Variants in EPHA10 observed in about 807,000 individuals in gnomAD.
EPHA10 encodes the protein ephrin type-A receptor 10.
A neutral mutation model predicts 109.7 loss-of-function variants in EPHA10; 120 were observed. That is an observed-to-expected ratio of 1.09 (90% CI 0.94 to 1.27). EPHA10 has a LOEUF of 1.27. Among genes scored for constraint, EPHA10 ranks in the 50% most tolerant of loss-of-function variants. EPHA10 has a pLI of 0.00. For synonymous variants in EPHA10, 640 were observed against 618.9 expected, an observed-to-expected ratio of 1.03 and a Z score of -0.51; for missense variants, 1,396 against 1,411.1, an observed-to-expected ratio of 0.99 and a Z score of 0.17.
chr1:37,733,581 T>C (rs1056257145), intron 6 of EPHA10, among the ~76,000 whole-genome samples: 2 of 152,136 alleles, frequency 1.3e-5, no homozygotes, highest in Non-Finnish European at 2.9e-5. Flanking sequence ...CAGCTCAACC[T>C]TGGGGCTCTT....
At chr1:37,731,380 A>G in intron 7 of EPHA10, 31 bp downstream of exon 7, 1 of 1,554,264 alleles carries the variant, frequency 6.4e-7, no homozygotes, top group African/African-American at 1.4e-5. Context: ...CTCTCTGTCT[A>G]GGTCCCTGTC....
chr1:37,734,689 T>C, intron 6 of EPHA10: 2 of 452,038 alleles, frequency 4.4e-6, no homozygotes, highest in South Asian at 1.6e-5. Flanking sequence ...ACAAGTATCC[T>C]ATGGGGATCA....
At chr1:37,736,136 T>C (rs1646065882) in intron 5 of EPHA10, among the ~76,000 whole-genome samples, 1 of 152,100 alleles carries the variant, frequency 6.6e-6, no homozygotes, top group Non-Finnish European at 1.5e-5. Context: ...AGGCCAGGCG[T>C]GGTGGCTCAC....
intron 6 of EPHA10, chr1:37,734,762 G>A: frequency 2.6e-6 from 1 of 382,550 alleles, no homozygotes; most frequent in Non-Finnish European, 5.1e-6. Context: ...TGTAAATGCT[G>A]TGCTACACTT....
intron 5 of EPHA10, among the ~76,000 whole-genome samples, chr1:37,751,251 A>AG (rs1378168251): frequency 6.7e-6 from 1 of 150,120 alleles, no homozygotes; most frequent in Admixed American, 6.6e-5. Flanking sequence ...AGAAAAAAAA[A>AG]AAAGAAATCC....
rs147733385 is a variant in EPHA10 at position 37,717,436 on chromosome 1, C to G, written c.*936G>C. The G allele has an allele frequency of 3.1e-3, 709 of 232,204 alleles. 2 individuals carry two copies. The highest frequency in any genetic ancestry group is 4.1e-3 in the Non-Finnish European group (476 of 117,458). 14.4% of individuals were successfully genotyped at this position (232,204 alleles called of 1,614,324 possible). On this transcript the variant is annotated 3_prime_UTR_variant, in exon 17 of 17. Coordinates refer to ENST00000373048, the MANE Select transcript of EPHA10 (RefSeq NM_001099439.2). ...CTGACCTCAGCTCTGCTCCTGACTCCTCACTTGGCCTCAGTTTCCCCCATC... is the reference window on the plus strand; with the variant it reads ...CTGACCTCAGCTCTGCTCCTGACTCGTCACTTGGCCTCAGTTTCCCCCATC...
chr1:37,714,170 C>G (rs1377783892), downstream of EPHA10: 1 of 152,220 alleles, frequency 6.6e-6, no homozygotes, highest in Non-Finnish European at 1.5e-5. Flanking sequence ...TTATCACCAT[C>G]CCCACCATCC....
rs1646371435 is a variant in EPHA10, at chr1:37,754,161, C to T, written c.1006+54G>A. ...CCACCACCTGGATCAGGCCTTCCTTCTTGGCCACTCCCACCCCCCACCCTC... is the reference window on the plus strand; with the variant it reads ...CCACCACCTGGATCAGGCCTTCCTTTTTGGCCACTCCCACCCCCCACCCTC... On this transcript the variant is annotated intron_variant, in intron 4 of 16. Coordinates refer to ENST00000373048, the MANE Select transcript of EPHA10 (RefSeq NM_001099439.2). The surrounding 1 kb of genome is among the most constrained non-coding windows in gnomAD (Gnocchi z 4.5). The T allele has an allele frequency of 1.6e-6, 2 of 1,259,302 alleles. No individual in the cohort carries two copies. Among genetic ancestry groups the T allele is most frequent in the African/African-American group, 3.1e-5 (2 of 64,594 alleles). The allele number at this position is 1,259,302 out of a possible 1,614,324, so 78.0% of individuals were successfully genotyped here.
Position 37,742,796 on chromosome 1 carries a change from G to A in EPHA10, c.1358-7406C>T, listed in dbSNP as rs117994377. Among the ~76,000 whole-genome samples the A allele has an allele frequency of 1.8e-3, 268 of 152,100 alleles. 9 individuals are homozygous for A. The East Asian group carries it at 0.046, about 26-fold the overall frequency. On this transcript the variant is annotated intron_variant, in intron 5 of 16. Coordinates refer to ENST00000373048, the MANE Select transcript of EPHA10 (RefSeq NM_001099439.2). ...AGGCCAGGAGTTAGAGACCAGCCTGGGCAACATAGCAATACTCCGTCTCTA... is the reference window on the plus strand; with the variant it reads ...AGGCCAGGAGTTAGAGACCAGCCTGAGCAACATAGCAATACTCCGTCTCTA...
At chr1:37,720,688 T>C in intron 12 of EPHA10, 95 bp downstream of exon 12, 3 of 1,555,968 alleles carry the variant, frequency 1.9e-6, no homozygotes, top group Admixed American at 1.7e-5. Flanking sequence ...CCAGTGGGGA[T>C]GATGCCAATT....
Position 37,718,386 on chromosome 1 carries a change from C to A in EPHA10, c.3013G>T (p.Gly1005Trp). Residue 1005 changes from glycine (G) to tryptophan (W), a missense_variant, in exon 17 of 17, where the codon GGG becomes TGG. Transcript: ENST00000373048. ...QARVLQLQGQGVQV is the reference protein window; with the variant it reads ...QARVLQLQGQWVQV Reference sequence around the variant, plus strand: ...ATGGGGTCCACTCACACCTGCACCCCCTGGCCCTGCAGCTGGAGCACTCGT... The same window carrying A: ...ATGGGGTCCACTCACACCTGCACCCACTGGCCCTGCAGCTGGAGCACTCGT... 9 of 1,610,544 alleles carry A rather than the reference C, an allele frequency of 5.6e-6. No individual in the cohort carries two copies. Among genetic ancestry groups the A allele is most frequent in the Non-Finnish European group, 6.8e-6 (8 of 1,178,488 alleles).
At chr1:37,757,480 A>T (rs984863069) in intron 3 of EPHA10, among the ~76,000 whole-genome samples, 1 of 151,974 alleles carries the variant, frequency 6.6e-6, no homozygotes, top group African/African-American at 2.4e-5. Context: ...CTTGTTCTGT[A>T]ATTCCTTATA....
chr1:37,719,527 G>GC lies in EPHA10; in HGVS notation c.2642_2643insG (p.Asp881GlufsTer9). ...GCTCACCTGGGTCCTTCTGCCAGCA[G>GC]TCGAGCATTAGTCGGTGCAGAAGGT... On this transcript the variant is annotated frameshift_variant, in exon 15 of 17. Transcript: ENST00000373048. LOFTEE classifies it high-confidence loss of function. 6.2e-7 allele frequency: 1 copy of GC among 1,614,072 alleles called. No individual in the cohort carries two copies.
intron 7 of EPHA10, among the ~76,000 whole-genome samples, chr1:37,730,368 T>C (rs900139650): frequency 2.0e-5 from 3 of 152,146 alleles, no homozygotes; most frequent in African/African-American, 7.2e-5. Context: ...GAATGCCTCT[T>C]AGGGGGAACT....
At chr1:37,730,373 G>A (rs922385228) in intron 7 of EPHA10, among the ~76,000 whole-genome samples, 4 of 152,168 alleles carry the variant, frequency 2.6e-5, no homozygotes, top group Non-Finnish European at 5.9e-5. Flanking sequence ...CCTCTTAGGG[G>A]GAACTGCCTT....
intron 5 of EPHA10, among the ~76,000 whole-genome samples, chr1:37,749,588 G>A (rs890600094): frequency 9.2e-5 from 14 of 151,630 alleles, no homozygotes; most frequent in African/African-American, 2.9e-4. Flanking sequence ...CAGGAGAGTC[G>A]CTTCAACCCA....
At position 37,718,982 on chromosome 1, in the gene EPHA10, G is replaced by A. The variant is rs1024594550; in HGVS notation, c.2757-166C>T. The stretch of plus-strand genomic sequence containing the variant: ...GCACTGTGCATTCGTGAAGAAGCGA[G>A]GGCTTCAGGTTCTTCAGGCAGGTGG... On this transcript the variant is annotated intron_variant, in intron 15 of 16. Coordinates refer to ENST00000373048, the MANE Select transcript of EPHA10 (RefSeq NM_001099439.2). The A allele has an allele frequency of 7.8e-6, 7 of 895,254 alleles. No homozygotes were observed. In the African/African-American group the frequency reaches 1.0e-4, roughly 13 times the overall value. The allele number at this position is 895,254 out of a possible 1,614,324, so 55.5% of individuals were successfully genotyped here.
Position 37,761,907 on chromosome 1 carries a change from A to G in EPHA10, c.348T>C (p.Pro116=). The G allele has an allele frequency of 6.2e-7, 1 of 1,612,370 alleles. No homozygotes were observed. The highest frequency in any genetic ancestry group is 1.7e-5 in the Admixed American group (1 of 59,946). Residue 116 remains proline, a synonymous_variant, in exon 3 of 17, where the codon CCT becomes CCC. Transcript: ENST00000373048. ...TCTCCTTGCAGGTACCCGCGGCGCC[A>G]GGGATGCTGCTGCAGTCACGGAGTG... ...QFTLRDCSSI[P]GAAGTCKETF...
chr1:37,732,723 G>A (rs1382450971), intron 6 of EPHA10, among the ~76,000 whole-genome samples: 1 of 152,106 alleles, frequency 6.6e-6, no homozygotes, highest in Non-Finnish European at 1.5e-5. Context: ...TGCAGAGAGA[G>A]GTTGAGATGA....
Sources: allele counts gnomAD v4.1 joint callset (sites outside exome capture counted in the v4.1 genomes callset), GRCh38; gene constraint gnomAD v4.1.1; non-coding constraint Gnocchi (gnomAD v3.1); transcripts MANE v1.5; gene names NCBI Gene and HGNC (gene_info 2026-07-23, HGNC 2026-07-21).